The following FHIP1A variants were observed in gnomAD, a reference collection of about 807,000 sequenced individuals.
FHIP1A encodes FHF complex subunit HOOK-interacting protein 1A.
FHIP1A carries 61 observed loss-of-function variants against 88.6 expected under a neutral mutation model. The observed-to-expected ratio is 0.69, with a 90% CI of 0.56 to 0.85. FHIP1A has a LOEUF of 0.85. Ranked by LOEUF, FHIP1A falls within the 40% of genes least tolerant of loss-of-function variation. The probability of loss-of-function intolerance (pLI) is 0.00; values close to 1 mark genes in which losing one functional copy is unlikely to be tolerated. For synonymous variants in FHIP1A, 478 were observed against 496.0 expected (o/e 0.96, Z 0.48); for missense variants, 1,154 against 1,273.5 (o/e 0.91, Z 1.43).
chr4:151,573,349 G>A (rs1308108426), intron 4 of FHIP1A, among the ~76,000 whole-genome samples: 4 of 151,934 alleles, frequency 2.6e-5, no homozygotes, highest in African/African-American at 9.7e-5. Flanking sequence ...CAAATGTCTA[G>A]CTATGATCCG....
chr4:151,428,857 C>T (rs1432005960), intron 1 of FHIP1A, among the ~76,000 whole-genome samples: 1 of 152,140 alleles, frequency 6.6e-6, no homozygotes, highest in Non-Finnish European at 1.5e-5. Context: ...CATCTTTATA[C>T]ATCTCCACCT....
In FHIP1A at chr4:151,416,308, C is replaced by T. The variant is rs80159639; in HGVS notation, c.-356+6843C>T. ...TTTAGTCCAAGCTTTTTTTCATAACCATTTCATTAGAGGAGTGTGTCTTAT... is the reference window on the plus strand; with the variant it reads ...TTTAGTCCAAGCTTTTTTTCATAACTATTTCATTAGAGGAGTGTGTCTTAT... On this transcript the variant is annotated intron_variant, in intron 1 of 13. Transcript: ENST00000435205. Among the ~76,000 whole-genome samples, 223 of 152,192 alleles carry T rather than the reference C, an allele frequency of 1.5e-3. 3 individuals are homozygous for T. The East Asian group carries it at 0.026, about 18-fold the overall frequency.
chr4:151,410,654 C>T (rs1019071279), intron 1 of FHIP1A, among the ~76,000 whole-genome samples: 1 of 152,154 alleles, frequency 6.6e-6, no homozygotes, highest in African/African-American at 2.4e-5. Context: ...ATGCTGTCCC[C>T]GAAGCTGTCC....
chr4:151,624,127 A>C (rs997473497), intron 7 of FHIP1A, among the ~76,000 whole-genome samples: 2 of 152,244 alleles, frequency 1.3e-5, no homozygotes, highest in African/African-American at 4.8e-5. Context: ...AGCAGCATCC[A>C]TAGCATTTGA....
At chr4:151,593,381 CT>C in intron 7 of FHIP1A, among the ~76,000 whole-genome samples, 1 of 152,208 alleles carries the variant, frequency 6.6e-6, no homozygotes, top group Non-Finnish European at 1.5e-5. Flanking sequence ...GATATTGATG[CT>C]TCCTATCCAT....
chr4:151,603,253 C>T (rs536611238), intron 7 of FHIP1A, among the ~76,000 whole-genome samples: 37 of 151,324 alleles, frequency 2.4e-4, no homozygotes, highest in African/African-American at 7.8e-4. Flanking sequence ...GTGGAGGTTG[C>T]GGTGAGCCAA....
chr4:151,490,787 G>C (rs988755097), intron 3 of FHIP1A, among the ~76,000 whole-genome samples: 12 of 150,990 alleles, frequency 7.9e-5, no homozygotes, highest in Non-Finnish European at 1.5e-4. Context: ...AGAGAAATAG[G>C]TATCATAAAG....
rs558928540 is a variant in FHIP1A at position 151,518,354 on chromosome 4, TATGAAAGTATACTCTATGATATTTTCACA to T, written c.-123+35711_-123+35739del. Reference sequence around the variant, plus strand: ...TGTAGTATACTGTACTATCTAGGTTTATGAAAGTATACTCTATGATATTTTCACAATGACAAAATCATGTAAGGATGCGT... The same window carrying T: ...TGTAGTATACTGTACTATCTAGGTTTATGACAAAATCATGTAAGGATGCGT... On this transcript the variant is annotated intron_variant, in intron 3 of 13. Coordinates refer to ENST00000435205, the MANE Select transcript of FHIP1A (RefSeq NM_001109977.3). 9.9e-5 allele frequency among the ~76,000 whole-genome samples: 15 copies of T among 152,284 alleles called. No homozygotes were observed. The South Asian group carries it at 3.1e-3, about 32-fold the overall frequency.
At chr4:151,536,085 G>A (rs1208015260) in intron 3 of FHIP1A, among the ~76,000 whole-genome samples, 1 of 152,090 alleles carries the variant, frequency 6.6e-6, no homozygotes, top group Non-Finnish European at 1.5e-5. Context: ...CACTGTCTGA[G>A]TTCACACTTG....
chr4:151,542,737 C>T lies in FHIP1A; in HGVS notation c.-122-23401C>T, dbSNP rs1157401108. On this transcript the variant is annotated intron_variant, in intron 3 of 13. Coordinates refer to ENST00000435205, the MANE Select transcript of FHIP1A (RefSeq NM_001109977.3). ...TTCCTGCTCCTCAAAAGTCAGTTGT[C>T]TTCCCTGGGGGAAATAAGCTTGTTT... is the stretch of plus-strand genomic sequence containing the variant. Among the ~76,000 whole-genome samples the T allele has an allele frequency of 2.6e-5, 4 of 152,184 alleles. No homozygotes were observed. In the South Asian group the frequency reaches 6.2e-4, roughly 24 times the overall value.
intron 3 of FHIP1A, among the ~76,000 whole-genome samples, chr4:151,503,836 T>C (rs375258952): frequency 6.6e-6 from 1 of 152,226 alleles, no homozygotes; most frequent in African/African-American, 2.4e-5. Flanking sequence ...ATAGACTCCC[T>C]GTGGGCAGAT....
At chr4:151,480,780 C>T (rs1729867381) in intron 2 of FHIP1A, among the ~76,000 whole-genome samples, 1 of 151,948 alleles carries the variant, frequency 6.6e-6, no homozygotes, top group Admixed American at 6.6e-5. Flanking sequence ...CATGCCTTGC[C>T]ACTGCTACTC....
At chr4:151,593,843 T>G (rs1033711922) in intron 7 of FHIP1A, among the ~76,000 whole-genome samples, 6 of 152,220 alleles carry the variant, frequency 3.9e-5, no homozygotes, top group Non-Finnish European at 7.4e-5. Flanking sequence ...TGTACCAGTT[T>G]TCAAAGAGAA....
intron 3 of FHIP1A, among the ~76,000 whole-genome samples, chr4:151,525,211 A>C (rs1760020906): frequency 6.6e-6 from 1 of 152,252 alleles, no homozygotes; most frequent in Non-Finnish European, 1.5e-5. Flanking sequence ...ATTTTACATC[A>C]GGAATTAGAA....
chr4:151,545,835 A>G (rs1403324002), intron 3 of FHIP1A, among the ~76,000 whole-genome samples: 1 of 152,124 alleles, frequency 6.6e-6, no homozygotes, highest in Non-Finnish European at 1.5e-5. Flanking sequence ...AAAATGTCTC[A>G]CCTTCAGGGA....
chr4:151,543,860 A>G (rs1375413447), intron 3 of FHIP1A, among the ~76,000 whole-genome samples: 2 of 152,240 alleles, frequency 1.3e-5, no homozygotes, highest in Non-Finnish European at 2.9e-5. Flanking sequence ...ATGGCTTAAA[A>G]AAGACTTCTG....
rs181839457 is a variant in FHIP1A, at chr4:151,563,025, G to T, written c.-122-3113G>T. On this transcript the variant is annotated intron_variant, in intron 3 of 13. Coordinates refer to ENST00000435205, the MANE Select transcript of FHIP1A (RefSeq NM_001109977.3). ...TTTTGAAAAACAGCAAATAAAAATA[G>T]ATATAATTATTTGGCCAGTTATCCC... Among the ~76,000 whole-genome samples the T allele has an allele frequency of 7.4e-4, 112 of 152,086 alleles. 1 individual carries two copies. The highest frequency in any genetic ancestry group is 2.3e-3 in the African/African-American group (97 of 41,532).
intron 1 of FHIP1A, among the ~76,000 whole-genome samples, chr4:151,441,638 C>T (rs1728416588): frequency 6.6e-6 from 1 of 152,188 alleles, no homozygotes; most frequent in South Asian, 2.1e-4. Flanking sequence ...GGGTCTCAGA[C>T]ATTGGCTTAA....
intron 1 of FHIP1A, among the ~76,000 whole-genome samples, chr4:151,411,139 C>T (rs1241078629): frequency 6.6e-6 from 1 of 152,116 alleles, no homozygotes; most frequent in Non-Finnish European, 1.5e-5. Flanking sequence ...TTTATTTTTA[C>T]ATAGTCAGAG....
Sources: allele counts gnomAD v4.1 joint callset (sites outside exome capture counted in the v4.1 genomes callset), GRCh38; gene constraint gnomAD v4.1.1; transcripts MANE v1.5; gene names NCBI Gene and HGNC (gene_info 2026-07-23, HGNC 2026-07-21).